DISP2: variants seen among roughly 807,000 people sequenced by gnomAD.
DISP2 encodes dispatched RND transporter family member 2.
In DISP2, 59 loss-of-function variants were observed where a neutral mutation model predicts 95.5. The ratio of observed to expected loss-of-function variants is 0.62; its 90% CI spans 0.50 to 0.77. The LOEUF (loss-of-function observed/expected upper bound fraction) is 0.77. Among genes scored for constraint, DISP2 ranks in the 30% least tolerant of loss-of-function variants. The probability of loss-of-function intolerance (pLI) is 0.00; values close to 1 mark genes in which losing one functional copy is unlikely to be tolerated. For missense variants in DISP2, 1,752 were observed against 1,854.6 expected (o/e 0.94, Z 1.02); for synonymous variants, 827 against 815.0 (o/e 1.01, Z -0.25).
rs1889604904 is a variant in DISP2, at chr15:40,369,862, G to A, written c.3750G>A (p.Gln1250=). The change falls in exon 8 of 8, where the codon CAG becomes CAA. Residue 1250 remains glutamine (Q), a synonymous_variant. Transcript: ENST00000267889. ...CCAGCCCCAAAACCCGGGCCAGGCA[G>A]GACTCCCAAGGGGAGGAGGCTGAGC... is the stretch of plus-strand genomic sequence containing the variant. ...AGPSPKTRAR[Q]DSQGEEAEPL... The A allele has an allele frequency of 2.6e-6, 4 of 1,567,624 alleles. No individual in the cohort carries two copies. Among genetic ancestry groups the A allele is most frequent in the Non-Finnish European group, 3.5e-6 (4 of 1,154,892 alleles).
rs1889342885 is a variant in DISP2, at chr15:40,358,247, C to A, written c.-75C>A. 9.5e-7 allele frequency: 1 copy of A among 1,052,676 alleles called. No individual in the cohort carries two copies. The highest frequency in any genetic ancestry group is 5.1e-5 in the Admixed American group (1 of 19,688). 65.2% of individuals were successfully genotyped at this position (1,052,676 alleles called of 1,614,324 possible). A position where few individuals can be genotyped will look rare whatever the true frequency, so the allele number is the denominator to read the frequency against. On this transcript the variant is annotated 5_prime_UTR_variant, in exon 1 of 8. Transcript: ENST00000267889. ...CGCACGAGCACCCCGCCGCCGCTGCCGCCGCCACCGCCGCCGCCGCCGCCG... is the reference window on the plus strand; with the variant it reads ...CGCACGAGCACCCCGCCGCCGCTGCAGCCGCCACCGCCGCCGCCGCCGCCG...
In DISP2 at chr15:40,368,485, C is replaced by A. The variant is rs144996997; in HGVS notation, c.2373C>A (p.Ser791Arg). Residue 791 changes from serine (S) to arginine (R), a missense_variant, in exon 8 of 8, where the codon AGC (serine) becomes AGA (arginine). Ser to Arg is a moderately radical substitution (Grantham distance 110, BLOSUM62 -1). Around this residue, in one of 5 missense-constraint regions of DISP2, gnomAD observed 732 missense variants for 714.6 expected, o/e 1.02. Coordinates refer to ENST00000267889, the MANE Select transcript of DISP2 (RefSeq NM_033510.3). The part of the protein sequence containing the change: ...VDTGDPLDPR[S>R]NSSLVRDPAF... The stretch of plus-strand genomic sequence containing the variant: ...CTGGCGACCCTCTGGACCCTCGTAG[C>A]AACAGCAGCCTGGTGAGGGACCCTG... 7.5e-6 allele frequency: 12 copies of A among 1,608,590 alleles called. No individual in the cohort carries two copies. The African/African-American group carries it at 1.6e-4, about 21-fold the overall frequency.
rs760745616 is a variant in DISP2 at position 40,368,192 on chromosome 15, C to T, written c.2080C>T (p.Leu694=). The change falls in exon 8 of 8, where the codon CTG becomes TTG. Residue 694 remains leucine, a synonymous_variant. Coordinates refer to ENST00000267889, the MANE Select transcript of DISP2 (RefSeq NM_033510.3). ...AGTSRLLFQR[L]LPCGVIKFRY... ...CACCTCGCGTCTGCTCTTCCAGCGC[C>T]TGCTGCCCTGCGGCGTCATCAAGTT... 2.5e-6 allele frequency: 4 copies of T among 1,605,310 alleles called. No individual in the cohort carries two copies. The highest frequency in any genetic ancestry group is 1.7e-5 in the Admixed American group (1 of 59,766).
Position 40,368,493 on chromosome 15 carries a change from G to A in DISP2, c.2381G>A (p.Ser794Asn), listed in dbSNP as rs769350603. Residue 794 changes from serine to asparagine, a missense_variant, in exon 8 of 8, where the codon AGC (serine) becomes AAC (asparagine). By Grantham distance (46) the Ser-to-Asn change is conservative. Around this residue, in one of 5 missense-constraint regions of DISP2, gnomAD observed 732 missense variants for 714.6 expected, o/e 1.02. Coordinates refer to ENST00000267889, the MANE Select transcript of DISP2 (RefSeq NM_033510.3). Reference sequence around the variant, plus strand: ...CCTCTGGACCCTCGTAGCAACAGCAGCCTGGTGAGGGACCCTGCCTTCTCG... The same window carrying A: ...CCTCTGGACCCTCGTAGCAACAGCAACCTGGTGAGGGACCCTGCCTTCTCG... ...GDPLDPRSNS[S>N]LVRDPAFSAS... The A allele has an allele frequency of 6.2e-7, 1 of 1,608,222 alleles. No homozygotes were observed. Among genetic ancestry groups the A allele is most frequent in the South Asian group, 1.1e-5 (1 of 91,072 alleles).
intron 4 of DISP2, 67 bp from the exon 5 acceptor site, chr15:40,364,771 C>A: frequency 1.3e-6 from 2 of 1,513,602 alleles, no homozygotes; most frequent in Non-Finnish European, 1.8e-6. Flanking sequence ...AGGGGCAGAG[C>A]TGAGAAGCAC....
Position 40,363,634 on chromosome 15 carries a change from C to T in DISP2, c.129C>T (p.Thr43=). The change falls in exon 2 of 8, where the codon ACC becomes ACT. Residue 43 remains threonine (T), a synonymous_variant. Coordinates refer to ENST00000267889, the MANE Select transcript of DISP2 (RefSeq NM_033510.3). ...TCTCCTCTCTTCCTAGCACCCAGAC[C>T]AAGGCTGTGCCCCCTGAGGCAAGCC... is the stretch of plus-strand genomic sequence containing the variant. The part of the protein sequence containing the change: ...PDGGSPDSTQ[T]KAVPPEASPE... 1.9e-6 allele frequency: 3 copies of T among 1,541,502 alleles called. No individual in the cohort carries two copies. The highest frequency in any genetic ancestry group is 2.6e-6 in the Non-Finnish European group (3 of 1,144,146).
At position 40,367,367 on chromosome 15, in the gene DISP2, G is replaced by C. The variant is rs755345581; in HGVS notation, c.1255G>C (p.Asp419His). The stretch of plus-strand genomic sequence containing the variant: ...ACTCCTGCACTTTCTGCTTGACAGG[G>C]ACTTTCTGAGTCCCCAGACCACTGA... ...YQLLHFLLDR[D>H]FLSPQTTDYQ... The change falls in exon 8 of 8, where the codon GAC (aspartate) becomes CAC (histidine). Residue 419 changes from aspartate (D) to histidine (H), a missense_variant. Coordinates refer to ENST00000267889, the MANE Select transcript of DISP2 (RefSeq NM_033510.3). 6.2e-6 allele frequency: 10 copies of C among 1,613,182 alleles called. No individual in the cohort carries two copies. The Admixed American group carries it at 1.7e-4, about 27-fold the overall frequency.
chr15:40,363,895 C>T lies in DISP2; in HGVS notation c.390C>T (p.Pro130=). The T allele has an allele frequency of 1.3e-6, 2 of 1,575,394 alleles. No homozygotes were observed. The highest frequency in any genetic ancestry group is 1.7e-4 in the Middle Eastern group (1 of 5,862). Residue 130 remains proline (P), a synonymous_variant, in exon 2 of 8, where the codon CCC becomes CCT. Transcript: ENST00000267889. ...CCAGCCTCAGCCCTTCTCCAGCCCC[C>T]TCACAGCGCGATGGGACCTGGAAGC... ...HGSSLSPSPA[P]SQRDGTWKPP...
Position 40,370,482 on chromosome 15 carries a change from G to A in DISP2, c.*164G>A. On this transcript the variant is annotated 3_prime_UTR_variant, in exon 8 of 8. Coordinates refer to ENST00000267889, the MANE Select transcript of DISP2 (RefSeq NM_033510.3). ...CTGCCAGATGTCCCAGCCTTGATCT[G>A]TCTGCTCCTACTCCTCACATCTGGA... 1 of 1,230,558 alleles carries A rather than the reference G, an allele frequency of 8.1e-7. No homozygotes were observed. Among genetic ancestry groups the A allele is most frequent in the Non-Finnish European group, 1.1e-6 (1 of 884,386 alleles). 76.2% of individuals were successfully genotyped at this position (1,230,558 alleles called of 1,614,324 possible). A position where few individuals can be genotyped will look rare whatever the true frequency, so the allele number is the denominator to read the frequency against.
chr15:40,375,139 A>G lies in DISP2; in HGVS notation c.*4821A>G, dbSNP rs1048506466. 6 of 152,264 alleles carry G rather than the reference A, an allele frequency of 3.9e-5. No individual in the cohort carries two copies. The highest frequency in any genetic ancestry group is 6.5e-5 in the Admixed American group (1 of 15,286). The allele number at this position is 152,264 out of a possible 1,614,324, so 9.4% of individuals were successfully genotyped here. A position where few individuals can be genotyped will look rare whatever the true frequency, so the allele number is the denominator to read the frequency against. ...AATCGTAGTTCAATTCACCAGGAAT[A>G]TGAGAAACAAAAGAAAGCCACTATG... On this transcript the variant is annotated 3_prime_UTR_variant, in exon 8 of 8. Coordinates refer to ENST00000267889, the MANE Select transcript of DISP2 (RefSeq NM_033510.3).
In DISP2 at chr15:40,370,342, G is replaced by C; in HGVS notation, c.*24G>C. The C allele has an allele frequency of 6.6e-7, 1 of 1,516,610 alleles. No homozygotes were observed. Among genetic ancestry groups the C allele is most frequent in the Non-Finnish European group, 8.8e-7 (1 of 1,134,108 alleles). 93.9% of individuals were successfully genotyped at this position (1,516,610 alleles called of 1,614,324 possible). A position where few individuals can be genotyped will look rare whatever the true frequency, so the allele number is the denominator to read the frequency against. ...GAGGGGGACCCGGGGAGGCTGGACA[G>C]GGCGCGGAACCCTGTCATGGATGAC... On this transcript the variant is annotated 3_prime_UTR_variant, in exon 8 of 8. Coordinates refer to ENST00000267889, the MANE Select transcript of DISP2 (RefSeq NM_033510.3).
At chr15:40,363,999 G>A (rs546489298) in intron 2 of DISP2, 45 bp downstream of exon 2, 97 of 1,499,534 alleles carry the variant, frequency 6.5e-5, no homozygotes, top group African/African-American at 5.0e-4. Context: ...TGGAAAATGC[G>A]GTGGGGCTTA....
Position 40,367,478 on chromosome 15 carries a change from C to A in DISP2, c.1366C>A (p.Leu456Met), listed in dbSNP as rs1429952514. Residue 456 changes from leucine (L) to methionine (M), a missense_variant, in exon 8 of 8, where the codon CTG (leucine) becomes ATG (methionine). Leu to Met is a conservative substitution (Grantham distance 15). This residue lies in a region of DISP2 where 732 missense variants were observed against 714.6 expected (regional missense o/e 1.02). Transcript: ENST00000267889. ...ASLMDIYLDR[L>M]ATPWGLADNY... ...CCTCATGGACATCTACCTGGACCGG[C>A]TGGCCACCCCCTGGGGGCTTGCTGA... is the stretch of plus-strand genomic sequence containing the variant. 2 of 1,613,840 alleles carry A rather than the reference C, an allele frequency of 1.2e-6. No homozygotes were observed. Among genetic ancestry groups the A allele is most frequent in the South Asian group, 2.2e-5 (2 of 91,072 alleles).
At position 40,370,927 on chromosome 15, in the gene DISP2, G is replaced by A. The variant is rs1195469043; in HGVS notation, c.*609G>A. The A allele has an allele frequency of 7.4e-6, 2 of 270,000 alleles. No homozygotes were observed. Among genetic ancestry groups the A allele is most frequent in the African/African-American group, 4.4e-5 (2 of 45,786 alleles). The allele number at this position is 270,000 out of a possible 1,614,324, so 16.7% of individuals were successfully genotyped here. On this transcript the variant is annotated 3_prime_UTR_variant, in exon 8 of 8. Coordinates refer to ENST00000267889, the MANE Select transcript of DISP2 (RefSeq NM_033510.3). Reference sequence around the variant, plus strand: ...CCAAATCCAGCCATAGATGGCTGCTGGGTGTGCAGCAGGAGAAGGAGGATG... The same window carrying A: ...CCAAATCCAGCCATAGATGGCTGCTAGGTGTGCAGCAGGAGAAGGAGGATG...
chr15:40,363,939 A>C lies in DISP2; in HGVS notation c.434A>C (p.His145Pro). 1 of 1,534,180 alleles carries C rather than the reference A, an allele frequency of 6.5e-7. No individual in the cohort carries two copies. Among genetic ancestry groups the C allele is most frequent in the South Asian group, 1.3e-5 (1 of 79,158 alleles). The change falls in exon 2 of 8, where the codon CAT (histidine) becomes CCT (proline). Residue 145 changes from histidine to proline, a missense_variant. Physicochemically the swap from His to Pro is moderately conservative, Grantham distance 77 (BLOSUM62 -2). This residue lies in a region of DISP2 where 342 missense variants were observed against 364.3 expected (regional missense o/e 0.94). Coordinates refer to ENST00000267889, the MANE Select transcript of DISP2 (RefSeq NM_033510.3). ...GTWKPPAVQH[H>P]VVSVRQERAF... Reference sequence around the variant, plus strand: ...TGGAAGCCACCCGCTGTGCAGCACCATGTGGTCAGCGTCAGGTAAGGAGGG... The same window carrying C: ...TGGAAGCCACCCGCTGTGCAGCACCCTGTGGTCAGCGTCAGGTAAGGAGGG...
rs150424497 is a variant in DISP2, at chr15:40,368,940, G to A, written c.2828G>A (p.Arg943His). 4.3e-6 allele frequency: 7 copies of A among 1,613,796 alleles called. No individual in the cohort carries two copies. Among genetic ancestry groups the A allele is most frequent in the Admixed American group, 1.7e-5 (1 of 60,016 alleles). The change falls in exon 8 of 8, where the codon CGC becomes CAC. Residue 943 changes from arginine (R) to histidine (H), a missense_variant. Coordinates refer to ENST00000267889, the MANE Select transcript of DISP2 (RefSeq NM_033510.3). ...CTGGGCATGGCACCTCCAGGCCTCC[G>A]CCGTGGTTGGTTCACTAGCCGTCTA... ...AELGMAPPGL[R>H]RGWFTSRLEL...
rs748720479 is a variant in DISP2 at position 40,367,859 on chromosome 15, G to C, written c.1747G>C (p.Gly583Arg). 1 of 1,600,140 alleles carries C rather than the reference G, an allele frequency of 6.2e-7. No homozygotes were observed. The highest frequency in any genetic ancestry group is 1.1e-5 in the South Asian group (1 of 90,986). ...GTCGGGGGGGCTGGCGCAGCGCGTG[G>C]GCCGCACCATGCACCACTTCGGCTA... ...LPSGGLAQRV[G>R]RTMHHFGYLL... The change falls in exon 8 of 8, where the codon GGC becomes CGC. Residue 583 changes from glycine to arginine, a missense_variant. Coordinates refer to ENST00000267889, the MANE Select transcript of DISP2 (RefSeq NM_033510.3).
Position 40,370,123 on chromosome 15 carries a change from G to A in DISP2, c.4011G>A (p.Arg1337=). The change falls in exon 8 of 8, where the codon CGG becomes CGA. Residue 1337 remains arginine, a synonymous_variant. Coordinates refer to ENST00000267889, the MANE Select transcript of DISP2 (RefSeq NM_033510.3). ...AGCGAGGCCAGCTCAATGGGAAGCG[G>A]GACACCCTGTGGCTGGCGCTGAGGG... ...VLERGQLNGK[R]DTLWLALRET... 1 of 1,607,624 alleles carries A rather than the reference G, an allele frequency of 6.2e-7. No homozygotes were observed. The highest frequency in any genetic ancestry group is 8.5e-7 in the Non-Finnish European group (1 of 1,176,530).
rs1402837363 is a variant in DISP2 at position 40,358,262 on chromosome 15, C to T, written c.-60C>T. The T allele has an allele frequency of 2.6e-6, 3 of 1,170,224 alleles. No individual in the cohort carries two copies. Among genetic ancestry groups the T allele is most frequent in the South Asian group, 8.2e-5 (2 of 24,348 alleles). 72.5% of individuals were successfully genotyped at this position (1,170,224 alleles called of 1,614,324 possible). ...CCGCCGCTGCCGCCGCCACCGCCGC[C>T]GCCGCCGCCGCCGCCGCGGCTTCAG... is the stretch of plus-strand genomic sequence containing the variant. On this transcript the variant is annotated 5_prime_UTR_variant, in exon 1 of 8. Coordinates refer to ENST00000267889, the MANE Select transcript of DISP2 (RefSeq NM_033510.3).
Sources: gnomAD v4.1 joint callset for allele counts on GRCh38, gnomAD v4.1.1 for gene constraint, gnomAD v4.1.1 regional missense constraint, MANE v1.5 for transcripts, NCBI Gene and HGNC (gene_info 2026-07-23, HGNC 2026-07-21) for gene names.